The following NOVA1 variants were observed in gnomAD, a reference collection of about 807,000 sequenced individuals.
NOVA1 encodes RNA-binding protein Nova-1.
Under a neutral mutation model 38.0 loss-of-function variants are expected in NOVA1, and 7 were observed. That is an observed-to-expected ratio of 0.18 (90% CI 0.10 to 0.35). NOVA1 has a LOEUF of 0.35. NOVA1 is among the 10% of genes least tolerant of loss of function. The probability of loss-of-function intolerance (pLI) is 1.00; values close to 1 mark genes in which losing one functional copy is unlikely to be tolerated. For missense variants in NOVA1, 460 were observed against 616.0 expected, an observed-to-expected ratio of 0.75 and a Z score of 2.68; for synonymous variants, 270 against 232.5, an observed-to-expected ratio of 1.16 and a Z score of -1.47.
intron 2 of NOVA1, among the ~76,000 whole-genome samples, chr14:26,538,031 G>A (rs115230866): frequency 0.01 from 1,548 of 152,252 alleles, 25 homozygotes; most frequent in African/African-American, 0.035. Context: ...TGGCTGAGAA[G>A]TGTCCAGATT....
At chr14:26,564,751 C>T (rs1341213628) in intron 2 of NOVA1, among the ~76,000 whole-genome samples, 1 of 152,074 alleles carries the variant, frequency 6.6e-6, no homozygotes, top group African/African-American at 2.4e-5. Context: ...ATAACCAACC[C>T]TATTTTACTA....
Position 26,480,090 on chromosome 14 carries a change from CT to C in NOVA1, c.333del (p.Val112PhefsTer55), listed in dbSNP as rs1281167374. ...LIQGTVEALN[A>X]VHGFIAEKIR... Reference sequence around the variant, plus strand: ...ATTTTTTCTGCAATGAATCCATGAACTGCATTCAGTGCTTCAACCGTTCCCT... The same window carrying C: ...ATTTTTTCTGCAATGAATCCATGAACGCATTCAGTGCTTCAACCGTTCCCT... On this transcript the variant is annotated frameshift_variant, in exon 3 of 5. Coordinates refer to ENST00000539517, the MANE Select transcript of NOVA1 (RefSeq NM_002515.3). LOFTEE classifies it high-confidence loss of function. 6.2e-7 allele frequency: 1 copy of C among 1,613,902 alleles called. No individual in the cohort carries two copies. The highest frequency in any genetic ancestry group is 8.5e-7 in the Non-Finnish European group (1 of 1,179,858).
Position 26,476,747 on chromosome 14 carries a change from G to A in NOVA1, c.447+3230C>T, listed in dbSNP as rs550847912. 1.6e-3 allele frequency among the ~76,000 whole-genome samples: 215 copies of A among 137,228 alleles called. 1 individual carries two copies. Among genetic ancestry groups the A allele is most frequent in the African/African-American group, 5.2e-3 (189 of 36,436 alleles). 90.0% of individuals were successfully genotyped at this position (137,228 alleles called of 152,430 possible). A position where few individuals can be genotyped will look rare whatever the true frequency, so the allele number is the denominator to read the frequency against. ...TTTTTTTTTTTTGAGACAGAGCTTC[G>A]CTCTTGTTGCCCAGGCTGGAGTACA... On this transcript the variant is annotated intron_variant, in intron 3 of 4. Coordinates refer to ENST00000539517, the MANE Select transcript of NOVA1 (RefSeq NM_002515.3).
At chr14:26,503,776 C>T (rs1363975233) in intron 2 of NOVA1, among the ~76,000 whole-genome samples, 2 of 151,932 alleles carry the variant, frequency 1.3e-5, no homozygotes, top group Non-Finnish European at 2.9e-5. Context: ...ACTGATTCAT[C>T]ATGATAAACC....
Position 26,597,820 on chromosome 14 carries a change from G to T in NOVA1, c.-384C>A. The T allele has an allele frequency of 2.9e-6, 1 of 339,148 alleles. No homozygotes were observed. The highest frequency in any genetic ancestry group is 4.2e-6 in the Non-Finnish European group (1 of 235,892). The allele number at this position is 339,148 out of a possible 1,614,324, so 21.0% of individuals were successfully genotyped here. A position where few individuals can be genotyped will look rare whatever the true frequency, so the allele number is the denominator to read the frequency against. On this transcript the variant is annotated 5_prime_UTR_variant, in exon 1 of 5. Coordinates refer to ENST00000539517, the MANE Select transcript of NOVA1 (RefSeq NM_002515.3). The stretch of plus-strand genomic sequence containing the variant: ...GGCAGAGGGAGTGGGAGAGCGCGAG[G>T]GCTGGCGGGGCGCGGGGAGAAGCCG...
At position 26,446,703 on chromosome 14, in the gene NOVA1, G is replaced by A. The variant is rs1399742753; in HGVS notation, c.*1256C>T. The A allele has an allele frequency of 1.3e-5, 2 of 152,632 alleles. No individual in the cohort carries two copies. Among genetic ancestry groups the A allele is most frequent in the Admixed American group, 1.3e-4 (2 of 15,278 alleles). 9.5% of individuals were successfully genotyped at this position (152,632 alleles called of 1,614,324 possible). A position where few individuals can be genotyped will look rare whatever the true frequency, so the allele number is the denominator to read the frequency against. On this transcript the variant is annotated 3_prime_UTR_variant, in exon 5 of 5. Transcript: ENST00000539517. ...GGCACTCAGGAGAGGTACAGAAGAG[G>A]GTGACAGTTGTTGGGTCTTGGGAAC...
At chr14:26,478,048 C>T (rs1215863420) in intron 3 of NOVA1, among the ~76,000 whole-genome samples, 1 of 152,000 alleles carries the variant, frequency 6.6e-6, no homozygotes, top group Non-Finnish European at 1.5e-5. Flanking sequence ...TGAATACCTA[C>T]AAGTCTTACA....
intron 3 of NOVA1, among the ~76,000 whole-genome samples, chr14:26,478,378 T>TA (rs200109026): frequency 0.011 from 1,626 of 151,182 alleles, 19 homozygotes; most frequent in Middle Eastern, 0.037. Flanking sequence ...ATGTTTTACT[T>TA]AAAAAAAAAT....
intron 2 of NOVA1, chr14:26,549,792 G>A (rs2138635589): frequency 7.8e-7 from 1 of 1,274,562 alleles, no homozygotes; most frequent in Non-Finnish European, 1.0e-6. Context: ...CTAGGGGAAA[G>A]TGCGCTGTTA....
intron 2 of NOVA1, among the ~76,000 whole-genome samples, chr14:26,492,857 C>T (rs924686728): frequency 5.9e-5 from 9 of 151,786 alleles, no homozygotes; most frequent in Non-Finnish European, 1.2e-4. Context: ...CCCAGTTACT[C>T]GAGAGGTGGA....
In NOVA1 at chr14:26,446,622, CT is replaced by C. The variant is rs1487938734; in HGVS notation, c.*1336del. The C allele has an allele frequency of 6.5e-6, 1 of 152,734 alleles. No individual in the cohort carries two copies. The highest frequency in any genetic ancestry group is 1.5e-5 in the Non-Finnish European group (1 of 68,164). The allele number at this position is 152,734 out of a possible 1,614,324, so 9.5% of individuals were successfully genotyped here. On this transcript the variant is annotated 3_prime_UTR_variant, in exon 5 of 5. Coordinates refer to ENST00000539517, the MANE Select transcript of NOVA1 (RefSeq NM_002515.3). The stretch of plus-strand genomic sequence containing the variant: ...GGGGATGGATGCCCCTATGAGTGGC[CT>C]TGAGTGGGCAAACTCAGAGGTTAAC...
chr14:26,530,074 C>G (rs1173946545), intron 2 of NOVA1, among the ~76,000 whole-genome samples: 1 of 152,168 alleles, frequency 6.6e-6, no homozygotes, highest in African/African-American at 2.4e-5. Flanking sequence ...CACCCGCCAC[C>G]ACGCCTGGCT....
chr14:26,554,158 A>G (rs1951075), intron 2 of NOVA1, among the ~76,000 whole-genome samples: 1,659 of 151,206 alleles, frequency 0.011, 22 homozygotes, highest in Middle Eastern at 0.058. Context: ...AAAGGAAGAA[A>G]AAGAAAGAAA....
intron 2 of NOVA1, among the ~76,000 whole-genome samples, chr14:26,488,809 G>T (rs1024121841): frequency 7.9e-5 from 12 of 152,028 alleles, no homozygotes; most frequent in Admixed American, 2.6e-4. Context: ...CACCATTTTT[G>T]ACAGTAATTT....
chr14:26,581,643 G>A (rs1893231017), intron 2 of NOVA1, among the ~76,000 whole-genome samples: 2 of 151,754 alleles, frequency 1.3e-5, no homozygotes, highest in Admixed American at 6.6e-5. Context: ...TCCTTTCAAT[G>A]GCAAAATTTT....
Position 26,448,838 on chromosome 14 carries a change from G to A in NOVA1, c.645C>T (p.Asn215=). Residue 215 remains asparagine (N), a synonymous_variant, in exon 5 of 5, where the codon AAC becomes AAT. Transcript: ENST00000539517. The surrounding 1 kb of genome is among the most constrained non-coding windows in gnomAD (Gnocchi z 5.3). ...VQLSQKPDGI[N]LQERVVTVSG... is the part of the protein sequence containing the mutation. ...TCACAGTGACAACCCTCTCTTGCAAGTTGATCCCATCAGGTTTCTGGGAAA... is the reference window on the plus strand; with the variant it reads ...TCACAGTGACAACCCTCTCTTGCAAATTGATCCCATCAGGTTTCTGGGAAA... 6.2e-7 allele frequency: 1 copy of A among 1,614,054 alleles called. No individual in the cohort carries two copies. The highest frequency in any genetic ancestry group is 8.5e-7 in the Non-Finnish European group (1 of 1,180,016).
At chr14:26,544,976 C>G (rs1890702427) in intron 2 of NOVA1, among the ~76,000 whole-genome samples, 1 of 151,992 alleles carries the variant, frequency 6.6e-6, no homozygotes, top group Non-Finnish European at 1.5e-5. Context: ...ATTGTGGGAC[C>G]TGAAATACAT....
At chr14:26,491,007 G>A (rs1266670668) in intron 2 of NOVA1, among the ~76,000 whole-genome samples, 46 of 151,728 alleles carry the variant, frequency 3.0e-4, no homozygotes, top group Admixed American at 3.0e-3. Flanking sequence ...CCGCCACCAC[G>A]CCCGGATAAT....
rs765709634 is a variant in NOVA1, at chr14:26,480,050, T to G, written c.374A>C (p.Gln125Pro). Residue 125 changes from glutamine to proline, a missense_variant, in exon 3 of 5, where the codon CAA becomes CCA. By Grantham distance (76) the Gln-to-Pro change is moderately conservative (BLOSUM62 -1). Coordinates refer to ENST00000539517, the MANE Select transcript of NOVA1 (RefSeq NM_002515.3). ...FIAEKIREMP[Q>P]NVAKTEPVSI... ...GACTGGTTCTGTCTTGGCCACATTT[T>G]GGGGCATTTCTCGAATTTTTTCTGC... 6.2e-7 allele frequency: 1 copy of G among 1,614,116 alleles called. No individual in the cohort carries two copies. Among genetic ancestry groups the G allele is most frequent in the Non-Finnish European group, 8.5e-7 (1 of 1,180,006 alleles).
Sources: allele counts gnomAD v4.1 joint callset (sites outside exome capture counted in the v4.1 genomes callset), GRCh38; gene constraint gnomAD v4.1.1; non-coding constraint Gnocchi (gnomAD v3.1); transcripts MANE v1.5; gene names NCBI Gene and HGNC (gene_info 2026-07-23, HGNC 2026-07-21).